ASIC2: variants seen among roughly 807,000 people sequenced by gnomAD.
ASIC2 encodes the protein acid-sensing ion channel 2.
ASIC2 carries 25 observed loss-of-function variants against 57.3 expected under a neutral mutation model. The observed-to-expected ratio is 0.44, with a 90% CI of 0.32 to 0.61. The LOEUF is 0.61. Ranked by LOEUF, ASIC2 falls within the 20% of genes least tolerant of loss-of-function variation. ASIC2 has a pLI of 0.06. For synonymous variants in ASIC2, 319 were observed against 307.5 expected (o/e 1.04, Z -0.39); for missense variants, 641 against 738.1 (o/e 0.87, Z 1.52).
intron 1 of ASIC2, among the ~76,000 whole-genome samples, chr17:33,632,532 C>T (rs996624292): frequency 3.9e-5 from 6 of 152,020 alleles, no homozygotes; most frequent in Admixed American, 6.6e-5. Context: ...CCATGAGCCC[C>T]GAGAACCTGG....
intron 1 of ASIC2, among the ~76,000 whole-genome samples, chr17:33,168,685 T>C (rs1342175917): frequency 2.0e-5 from 3 of 152,198 alleles, no homozygotes; most frequent in Non-Finnish European, 4.4e-5. Context: ...AGAAGAAATA[T>C]CTAAGCAGCA....
intron 1 of ASIC2, among the ~76,000 whole-genome samples, chr17:33,380,003 T>C (rs978998714): frequency 6.6e-6 from 1 of 151,882 alleles, no homozygotes; most frequent in South Asian, 2.1e-4. Context: ...TCCAGCACTT[T>C]GGGAGGCTGA....
intron 1 of ASIC2, among the ~76,000 whole-genome samples, chr17:33,673,343 T>C (rs1319290554): frequency 6.6e-6 from 1 of 152,196 alleles, no homozygotes; most frequent in Non-Finnish European, 1.5e-5. Flanking sequence ...GGGCTTTCTC[T>C]TTGGGTGAGA....
intron 1 of ASIC2, among the ~76,000 whole-genome samples, chr17:33,754,285 C>T (rs986916656): frequency 2.0e-5 from 3 of 152,100 alleles, no homozygotes; most frequent in African/African-American, 7.2e-5. Flanking sequence ...GAGAGTCCAT[C>T]CGAGTTGGCA....
intron 2 of ASIC2, chr17:33,100,218 A>G (rs2092206181): frequency 6.6e-6 from 1 of 152,288 alleles, no homozygotes; most frequent in Non-Finnish European, 1.5e-5. Context: ...GAGAATATCT[A>G]CATTTTTGCA....
At chr17:33,771,432 T>C (rs761121624) in intron 1 of ASIC2, among the ~76,000 whole-genome samples, 4 of 152,222 alleles carry the variant, frequency 2.6e-5, no homozygotes, top group South Asian at 2.1e-4. Flanking sequence ...TGACTCTACA[T>C]CTACATAACA....
chr17:33,748,142 C>G (rs1910322447), intron 1 of ASIC2, among the ~76,000 whole-genome samples: 1 of 152,220 alleles, frequency 6.6e-6, no homozygotes, highest in Non-Finnish European at 1.5e-5. Flanking sequence ...CACCCTTCTG[C>G]CGGCCACACT....
At chr17:33,958,329 TG>T (rs1271430030) in intron 1 of ASIC2, among the ~76,000 whole-genome samples, 2 of 152,178 alleles carry the variant, frequency 1.3e-5, no homozygotes, top group Non-Finnish European at 2.9e-5. Context: ...AAACTTTGTG[TG>T]GGGGGTCTAA....
At chr17:33,761,978 T>C (rs1459685123) in intron 1 of ASIC2, among the ~76,000 whole-genome samples, 1 of 152,060 alleles carries the variant, frequency 6.6e-6, no homozygotes, top group African/African-American at 2.4e-5. Context: ...GCACTCTCTA[T>C]GGTAGGCAAG....
At chr17:33,464,481 TCTC>T (rs1311645370) in intron 1 of ASIC2, among the ~76,000 whole-genome samples, 10 of 66,690 alleles carry the variant, frequency 1.5e-4, no homozygotes, top group South Asian at 5.5e-4. Context: ...CTTTCTTTTC[TCTC>T]TTTCTTTCTT....
chr17:33,679,125 A>T (rs949545966), intron 1 of ASIC2, among the ~76,000 whole-genome samples: 1 of 152,226 alleles, frequency 6.6e-6, no homozygotes, highest in African/African-American at 2.4e-5. Flanking sequence ...TTTGCAAAAA[A>T]TATCCAGAAC....
At chr17:33,021,181 A>G (rs1281701911) in intron 7 of ASIC2, 38 bp downstream of exon 7, 1 of 1,010,586 alleles carries the variant, frequency 9.9e-7, no homozygotes, top group Non-Finnish European at 1.5e-6. Flanking sequence ...CCCACCCTCT[A>G]TGAGATGTGG....
intron 1 of ASIC2, among the ~76,000 whole-genome samples, chr17:33,227,190 C>A (rs958454426): frequency 6.6e-6 from 1 of 152,208 alleles, no homozygotes; most frequent in African/African-American, 2.4e-5. Flanking sequence ...GTGGGGCAGG[C>A]CTGGGCTTAG....
At chr17:33,183,673 G>A (rs969090528) in intron 1 of ASIC2, among the ~76,000 whole-genome samples, 13 of 152,300 alleles carry the variant, frequency 8.5e-5, no homozygotes, top group Admixed American at 2.0e-4. Context: ...AGCACTTATT[G>A]TATTCATGAT....
At position 33,352,259 on chromosome 17, in the gene ASIC2, C is replaced by T. The variant is rs142746014; in HGVS notation, c.556-240192G>A. On this transcript the variant is annotated intron_variant, in intron 1 of 9. Coordinates refer to the ASIC2 transcript ENST00000359872. ...CCAGAACTGAACTCACACTGCATCCCACTCCTTCCAGGTCACCCATCTTGG... is the reference window on the plus strand; with the variant it reads ...CCAGAACTGAACTCACACTGCATCCTACTCCTTCCAGGTCACCCATCTTGG... Among the ~76,000 whole-genome samples, 17 of 152,262 alleles carry T rather than the reference C, an allele frequency of 1.1e-4. No homozygotes were observed. In the East Asian group the frequency reaches 3.3e-3, roughly 29 times the overall value.
At chr17:33,258,501 T>C (rs1419540282) in intron 1 of ASIC2, among the ~76,000 whole-genome samples, 1 of 152,048 alleles carries the variant, frequency 6.6e-6, no homozygotes, top group Admixed American at 6.6e-5. Context: ...GGAGCAGAGA[T>C]CTAAATGAAG....
At chr17:33,899,923 G>A (rs999701685) in intron 1 of ASIC2, among the ~76,000 whole-genome samples, 4 of 152,184 alleles carry the variant, frequency 2.6e-5, no homozygotes, top group Non-Finnish European at 5.9e-5. Flanking sequence ...CTCTGCAATT[G>A]TACAAAGCAG....
At chr17:33,404,453 G>A (rs1809423451) in intron 1 of ASIC2, among the ~76,000 whole-genome samples, 1 of 152,204 alleles carries the variant, frequency 6.6e-6, no homozygotes. Flanking sequence ...CAAGGTAGAG[G>A]ATCAATCCTA....
intron 1 of ASIC2, among the ~76,000 whole-genome samples, chr17:33,396,306 CA>C (rs1447246494): frequency 6.6e-6 from 1 of 152,174 alleles, no homozygotes; most frequent in African/African-American, 2.4e-5. Context: ...ACCTTTGTAA[CA>C]ATTACGGTTC....
Sources: allele counts gnomAD v4.1 joint callset (sites outside exome capture counted in the v4.1 genomes callset), GRCh38; gene constraint gnomAD v4.1.1; transcripts MANE v1.5; gene names NCBI Gene and HGNC (gene_info 2026-07-23, HGNC 2026-07-21).